Variants in DSE observed in about 807,000 individuals in gnomAD.
The protein encoded by DSE is dermatan-sulfate epimerase.
In DSE, 36 loss-of-function variants were observed where a neutral mutation model predicts 84.4. The ratio of observed to expected loss-of-function variants is 0.43; its 90% confidence interval spans 0.33 to 0.56. The LOEUF (loss-of-function observed/expected upper bound fraction) is 0.56. Among genes scored for constraint, DSE ranks in the 20% least tolerant of loss-of-function variants. DSE has a pLI of 0.06. For synonymous variants in DSE, 410 were observed against 430.1 expected (o/e 0.95, Z 0.58); for missense variants, 862 against 1,169.6 (o/e 0.74, Z 3.84).
intron 2 of DSE, among the ~76,000 whole-genome samples, chr6:116,270,392 G>A (rs58631245): frequency 6.6e-6 from 1 of 152,008 alleles, no homozygotes; most frequent in Non-Finnish European, 1.5e-5. Context: ...GTTGGAGTTT[G>A]GTGAAGAGGA....
intron 2 of DSE, among the ~76,000 whole-genome samples, chr6:116,265,725 T>C (rs74732593): frequency 0.018 from 2,727 of 152,068 alleles, 43 homozygotes; most frequent in Middle Eastern, 0.054. Context: ...AATCAAGGGG[T>C]GCTCAAGTCA....
At position 116,442,365 on chromosome 6, in the gene DSE, G is replaced by C. The variant is rs1356063830; in HGVS notation, c.*5020G>C. On this transcript the variant is annotated 3_prime_UTR_variant, in exon 6 of 6. Coordinates refer to ENST00000644252, the MANE Select transcript of DSE (RefSeq NM_013352.4). ...AGGAGGAATAAGTAGTAGGAAGCGG[G>C]TCCAGGAGGTTGTTTTAGCCATGTT... 6.6e-6 allele frequency: 1 copy of C among 152,166 alleles called. No individual in the cohort carries two copies. The highest frequency in any genetic ancestry group is 1.5e-5 in the Non-Finnish European group (1 of 68,040). 9.4% of individuals were successfully genotyped at this position (152,166 alleles called of 1,614,324 possible).
intron 2 of DSE, among the ~76,000 whole-genome samples, chr6:116,326,482 G>A (rs1391971300): frequency 6.6e-6 from 1 of 152,146 alleles, no homozygotes; most frequent in Non-Finnish European, 1.5e-5. Context: ...AGATTTAAAT[G>A]ATGCCAACAT....
intron 1 of DSE, 124 bp from the exon 2 acceptor site, chr6:116,399,074 A>T: frequency 1.2e-6 from 1 of 817,900 alleles, no homozygotes; most frequent in Non-Finnish European, 1.8e-6. Context: ...TTTTTGTTGT[A>T]TTTTTAAAAA....
At chr6:116,395,104 GTGTTTGTGTT>G (rs1781155724) in intron 1 of DSE, among the ~76,000 whole-genome samples, 1 of 152,246 alleles carries the variant, frequency 6.6e-6, no homozygotes, top group Non-Finnish European at 1.5e-5. Flanking sequence ...GATAGTGTGT[GTGTTTGTGTT>G]TGTTTCATAG....
intron 1 of DSE, among the ~76,000 whole-genome samples, chr6:116,396,794 C>G (rs1781277690): frequency 6.6e-6 from 1 of 152,164 alleles, no homozygotes; most frequent in African/African-American, 2.4e-5. Context: ...GTGAGGGACT[C>G]TTCGGAGCAG....
intron 2 of DSE, among the ~76,000 whole-genome samples, chr6:116,302,054 G>C (rs1775073699): frequency 6.6e-6 from 1 of 152,152 alleles, no homozygotes; most frequent in Non-Finnish European, 1.5e-5. Flanking sequence ...ATTTGAGTTG[G>C]TTCCAAGTCT....
At chr6:116,266,030 T>C (rs1772610577) in intron 2 of DSE, among the ~76,000 whole-genome samples, 1 of 152,188 alleles carries the variant, frequency 6.6e-6, no homozygotes, top group East Asian at 1.9e-4. Context: ...CCTTGCCAGT[T>C]CAACTCACCC....
chr6:116,377,251 A>G (rs1779981681), intron 1 of DSE, among the ~76,000 whole-genome samples: 1 of 152,236 alleles, frequency 6.6e-6, no homozygotes. Flanking sequence ...TAATGCGTAC[A>G]AACATTATAC....
chr6:116,267,192 CTCTT>C (rs1309782422), intron 2 of DSE, among the ~76,000 whole-genome samples: 2 of 152,170 alleles, frequency 1.3e-5, no homozygotes. Context: ...GTAGAGGATA[CTCTT>C]TCTACTTATT....
intron 1 of DSE, among the ~76,000 whole-genome samples, chr6:116,396,141 A>T (rs1781235447): frequency 6.6e-6 from 1 of 152,320 alleles, no homozygotes; most frequent in Non-Finnish European, 1.5e-5. Context: ...CCAACAGCTA[A>T]GCCCAGGGAT....
intron 2 of DSE, among the ~76,000 whole-genome samples, chr6:116,290,832 G>A (rs1004048370): frequency 6.6e-6 from 1 of 152,130 alleles, no homozygotes; most frequent in African/African-American, 2.4e-5. Context: ...CTCTCCCAAA[G>A]GGAGAAACTT....
intron 2 of DSE, chr6:116,355,695 A>C (rs1778531262): frequency 6.6e-6 from 1 of 152,224 alleles, no homozygotes; most frequent in African/African-American, 2.4e-5. Flanking sequence ...CAAAGGTGAG[A>C]ATCAGTCCTA....
chr6:116,272,956 G>A (rs960439747), intron 2 of DSE, among the ~76,000 whole-genome samples: 1 of 152,122 alleles, frequency 6.6e-6, no homozygotes, highest in Admixed American at 6.5e-5. Flanking sequence ...AGTGTCAGGC[G>A]CAAAGTAAGC....
intron 2 of DSE, among the ~76,000 whole-genome samples, chr6:116,327,196 ACT>A (rs1164244944): frequency 1.3e-5 from 2 of 152,022 alleles, no homozygotes; most frequent in African/African-American, 4.8e-5. Context: ...TCCAGAACAA[ACT>A]CTGTTTTATT....
chr6:116,270,196 G>A (rs1772820881), intron 2 of DSE, among the ~76,000 whole-genome samples: 2 of 152,118 alleles, frequency 1.3e-5, no homozygotes, highest in Admixed American at 6.6e-5. Context: ...AATATACTCA[G>A]TGCTCAATGC....
Position 116,337,745 on chromosome 6 carries a change from A to G in DSE, c.-53-61453A>G, listed in dbSNP as rs1382472129. Among the ~76,000 whole-genome samples the G allele has an allele frequency of 2.0e-5, 3 of 152,208 alleles. No homozygotes were observed. In the East Asian group the frequency reaches 5.8e-4, roughly 29 times the overall value. On this transcript the variant is annotated intron_variant, in intron 2 of 3. Transcript: ENST00000430252. ...TGAGGTCAAATAAAAGATTTAGAAA[A>G]ATTATGTTTTGATGAAGACAGAGTT...
intron 2 of DSE, among the ~76,000 whole-genome samples, chr6:116,295,484 G>A (rs1214603217): frequency 1.3e-5 from 2 of 152,038 alleles, no homozygotes; most frequent in East Asian, 3.9e-4. Flanking sequence ...TATGTAAGAT[G>A]AGATGTGATC....
At chr6:116,410,134 C>T (rs976492080) in intron 2 of DSE, among the ~76,000 whole-genome samples, 20 of 152,096 alleles carry the variant, frequency 1.3e-4, no homozygotes, top group African/African-American at 4.8e-4. Context: ...TGTACGTTAA[C>T]CTTTTCATTG....
Sources: allele counts gnomAD v4.1 joint callset (sites outside exome capture counted in the v4.1 genomes callset), GRCh38; gene constraint gnomAD v4.1.1; transcripts MANE v1.5; gene names NCBI Gene and HGNC (gene_info 2026-07-23, HGNC 2026-07-21).